Variants in PLPP1 observed in about 807,000 individuals in gnomAD.
PLPP1 encodes phospholipid phosphatase 1, also known as lipid phosphate phosphohydrolase 1a.
Under a neutral mutation model 31.2 loss-of-function variants are expected in PLPP1, and 24 were observed. The ratio of observed to expected loss-of-function variants is 0.77; its 90% CI spans 0.56 to 1.08. The LOEUF (loss-of-function observed/expected upper bound fraction) is 1.08. Among genes scored for constraint, PLPP1 ranks in the 50% least tolerant of loss-of-function variants. PLPP1 has a pLI of 0.00. For missense variants in PLPP1, 319 were observed against 342.7 expected (o/e 0.93, Z 0.55); for synonymous variants, 146 against 126.3 (o/e 1.16, Z -1.05).
chr5:55,437,497 C>T (rs1460147277), intron 4 of PLPP1, among the ~76,000 whole-genome samples: 1 of 150,352 alleles, frequency 6.7e-6, no homozygotes, highest in Non-Finnish European at 1.5e-5. Flanking sequence ...CCTACAAAGC[C>T]TAAATATTTA....
At chr5:55,509,259 T>C (rs1753352399) in intron 1 of PLPP1, among the ~76,000 whole-genome samples, 1 of 152,150 alleles carries the variant, frequency 6.6e-6, no homozygotes, top group South Asian at 2.1e-4. Flanking sequence ...TGCAAGGTAT[T>C]GGTAGGGAAG....
chr5:55,467,992 A>G lies in PLPP1; in HGVS notation c.368T>C (p.Ile123Thr). The G allele has an allele frequency of 6.2e-7, 1 of 1,614,196 alleles. No homozygotes were observed. The highest frequency in any genetic ancestry group is 8.5e-7 in the Non-Finnish European group (1 of 1,180,026). ...CAAGAAGTGAGGCCGCAGTCTGCCT[A>G]TTGAATACTTGGCAATGTCAGTCAG... ...QSLTDIAKYS[I>T]GRLRPHFLDV... The change falls in exon 3 of 6, where the codon ATA (isoleucine) becomes ACA (threonine). Residue 123 changes from isoleucine (I) to threonine (T), a missense_variant. By Grantham distance (89) the Ile-to-Thr change is moderately conservative. Coordinates refer to ENST00000307259, the MANE Select transcript of PLPP1 (RefSeq NM_003711.4).
At chr5:55,437,055 C>T (rs1751508602) in intron 4 of PLPP1, among the ~76,000 whole-genome samples, 1 of 152,212 alleles carries the variant, frequency 6.6e-6, no homozygotes, top group Non-Finnish European at 1.5e-5. Flanking sequence ...CCCAACCATG[C>T]TGGCACCCTA....
At chr5:55,433,149 A>T (rs1313564766) in intron 4 of PLPP1, among the ~76,000 whole-genome samples, 1 of 3,968 alleles carries the variant, frequency 2.5e-4, no homozygotes, top group Non-Finnish European at 1.4e-3. Flanking sequence ...CTCTACAAAA[A>T]AAAAAAAAAA....
At chr5:55,515,099 C>G (rs1292604844) in intron 1 of PLPP1, among the ~76,000 whole-genome samples, 2 of 152,204 alleles carry the variant, frequency 1.3e-5, no homozygotes, top group Non-Finnish European at 2.9e-5. Context: ...CGACCTAACA[C>G]AAGAAAATAG....
At chr5:55,530,794 G>A (rs1740634831) in intron 1 of PLPP1, 9 of 1,475,166 alleles carry the variant, frequency 6.1e-6, no homozygotes, top group Non-Finnish European at 8.5e-6. Context: ...GTGCTGACAG[G>A]GCGCGGTCCG....
At chr5:55,488,890 G>A (rs1288482324) in intron 1 of PLPP1, among the ~76,000 whole-genome samples, 1 of 152,162 alleles carries the variant, frequency 6.6e-6, no homozygotes, top group Non-Finnish European at 1.5e-5. Context: ...TTAGCTGGAA[G>A]TGGTGACAGG....
intron 1 of PLPP1, among the ~76,000 whole-genome samples, chr5:55,478,475 A>G (rs771080666): frequency 2.0e-5 from 3 of 152,196 alleles, no homozygotes; most frequent in Non-Finnish European, 2.9e-5. Context: ...GTGATATTCG[A>G]TAAGCCAGTA....
At chr5:55,510,504 A>G (rs1753381814) in intron 1 of PLPP1, among the ~76,000 whole-genome samples, 1 of 152,214 alleles carries the variant, frequency 6.6e-6, no homozygotes, top group Admixed American at 6.5e-5. Context: ...AATTCACAGA[A>G]CTGTACACTA....
chr5:55,510,935 AG>A (rs1460568868), intron 1 of PLPP1, among the ~76,000 whole-genome samples: 20 of 152,228 alleles, frequency 1.3e-4, no homozygotes, highest in Non-Finnish European at 1.2e-4. Flanking sequence ...GCACATTAAG[AG>A]GATTAATAAA....
intron 1 of PLPP1, among the ~76,000 whole-genome samples, chr5:55,510,595 C>G (rs1353878565): frequency 6.6e-6 from 1 of 152,176 alleles, no homozygotes; most frequent in East Asian, 1.9e-4. Context: ...CTCCTCATAC[C>G]TATTTCAAAC....
intron 1 of PLPP1, among the ~76,000 whole-genome samples, chr5:55,489,242 C>G (rs763498638): frequency 2.1e-4 from 32 of 152,136 alleles, no homozygotes; most frequent in Admixed American, 1.2e-3. Flanking sequence ...TATTCACTCT[C>G]AAGCAATTAT....
chr5:55,513,401 C>G (rs1753483467), intron 1 of PLPP1, among the ~76,000 whole-genome samples: 1 of 151,764 alleles, frequency 6.6e-6, no homozygotes, highest in Admixed American at 6.6e-5. Context: ...TCTGGGACTA[C>G]AGGCAGGTAC....
At chr5:55,426,587 T>A (rs978079042) in intron 4 of PLPP1, among the ~76,000 whole-genome samples, 30 of 126,026 alleles carry the variant, frequency 2.4e-4, no homozygotes, top group East Asian at 2.2e-4. Flanking sequence ...TTTTTTTTTT[T>A]ATAGAGATGG....
intron 4 of PLPP1, among the ~76,000 whole-genome samples, chr5:55,427,623 T>C (rs1380352952): frequency 6.6e-6 from 1 of 152,160 alleles, no homozygotes; most frequent in African/African-American, 2.4e-5. Flanking sequence ...TGTAGCAATA[T>C]TTCCATTCTA....
intron 3 of PLPP1, among the ~76,000 whole-genome samples, chr5:55,443,192 A>AAAAAAAAAAAAAAAAAATAT: frequency 1.6e-4 from 4 of 25,438 alleles, no homozygotes; most frequent in African/African-American, 2.2e-4. Flanking sequence ...AAAAAAAAAA[A>AAAAAAAAAAAAAAAAAATAT]ATATATATAT....
At chr5:55,438,899 T>TAA (rs879769388) in intron 4 of PLPP1, among the ~76,000 whole-genome samples, 3 of 133,446 alleles carry the variant, frequency 2.2e-5, no homozygotes, top group African/African-American at 2.8e-5. Context: ...AGACTCCGTC[T>TAA]AAAAAAAAAA....
At chr5:55,482,031 ATATT>A (rs1195924885) in intron 1 of PLPP1, among the ~76,000 whole-genome samples, 1 of 147,998 alleles carries the variant, frequency 6.8e-6, no homozygotes, top group African/African-American at 2.4e-5. Context: ...CTATAAATAT[ATATT>A]TATTTATATA....
chr5:55,448,054 A>G (rs1285072654), intron 3 of PLPP1, among the ~76,000 whole-genome samples: 1 of 152,218 alleles, frequency 6.6e-6, no homozygotes, highest in Non-Finnish European at 1.5e-5. Flanking sequence ...ATCCTATAAA[A>G]AAGTTAAAAT....
Sources: gnomAD v4.1 joint callset for allele counts (sites outside exome capture counted in the v4.1 genomes callset) on GRCh38, gnomAD v4.1.1 for gene constraint, MANE v1.5 for transcripts, NCBI Gene and HGNC (gene_info 2026-07-23, HGNC 2026-07-21) for gene names.